LARGE1: variants seen among roughly 807,000 people sequenced by gnomAD.
The protein encoded by LARGE1 is LARGE xylosyl- and glucuronyltransferase 1, also known as xylosyl- and glucuronyltransferase LARGE1.
Under a neutral mutation model 87.6 loss-of-function variants are expected in LARGE1, and 43 were observed. That is an observed-to-expected ratio of 0.49 (90% CI 0.38 to 0.63). The LOEUF is 0.63. Among genes scored for constraint, LARGE1 ranks in the 30% least tolerant of loss-of-function variants. The pLI, the probability that LARGE1 is intolerant of heterozygous loss-of-function variation, is 0.00. For synonymous variants in LARGE1, 434 were observed against 394.6 expected (o/e 1.10, Z -1.18); for missense variants, 802 against 1,000.2 (o/e 0.80, Z 2.67).
intron 2 of LARGE1, among the ~76,000 whole-genome samples, chr22:33,723,537 C>A (rs1220531085): frequency 6.6e-6 from 1 of 152,150 alleles, no homozygotes; most frequent in Non-Finnish European, 1.5e-5. Context: ...CACACAGACA[C>A]ACACACTGAT....
intron 11 of LARGE1, among the ~76,000 whole-genome samples, chr22:33,189,956 G>A (rs1334656906): frequency 1.3e-5 from 2 of 152,152 alleles, no homozygotes; most frequent in Non-Finnish European, 2.9e-5. Context: ...TGTCCAAAGG[G>A]ACAAAGGGCA....
At chr22:33,140,174 T>A in the LARGE1 span, among the ~76,000 whole-genome samples, 11 of 152,136 alleles carry the variant, frequency 7.2e-5, no homozygotes, top group African/African-American at 2.4e-4. Context: ...GGAACATGGA[T>A]CTGGGAGGGG....
At chr22:33,227,171 C>A (rs912643830) in intron 11 of LARGE1, among the ~76,000 whole-genome samples, 2 of 152,106 alleles carry the variant, frequency 1.3e-5, no homozygotes, top group African/African-American at 4.8e-5. Context: ...TATTTTTATG[C>A]CCATTTGACA....
chr22:33,779,798 A>C (rs1601597701), intron 1 of LARGE1, among the ~76,000 whole-genome samples: 1 of 83,072 alleles, frequency 1.2e-5, no homozygotes, highest in Non-Finnish European at 3.4e-5. Flanking sequence ...AAAAAAATTA[A>C]AAAAAAATTA....
At chr22:33,214,598 A>C (rs1925115466) in intron 11 of LARGE1, among the ~76,000 whole-genome samples, 1 of 151,794 alleles carries the variant, frequency 6.6e-6, no homozygotes, top group African/African-American at 2.4e-5. Context: ...GCCCTTTACA[A>C]AGCTGTGGCC....
At chr22:33,306,878 A>G (rs1602337427) in intron 11 of LARGE1, among the ~76,000 whole-genome samples, 1 of 151,432 alleles carries the variant, frequency 6.6e-6, no homozygotes, top group Non-Finnish European at 1.5e-5. Flanking sequence ...AAAAAAAAAA[A>G]GAATAGAGAA....
intron 6 of LARGE1, among the ~76,000 whole-genome samples, chr22:33,553,459 T>C (rs867466111): frequency 2.5e-5 from 3 of 119,128 alleles, no homozygotes; most frequent in Non-Finnish European, 5.8e-5. Flanking sequence ...CAGGTGGCAA[T>C]GAGCTATGAT....
chr22:33,851,876 C>T (rs573535762), intron 1 of LARGE1, among the ~76,000 whole-genome samples: 1 of 152,320 alleles, frequency 6.6e-6, no homozygotes, highest in Admixed American at 6.5e-5. Flanking sequence ...GGTAAAGAAA[C>T]ATTCGTGTGA....
At chr22:33,697,639 T>A (rs1355499049) in intron 2 of LARGE1, among the ~76,000 whole-genome samples, 1 of 151,188 alleles carries the variant, frequency 6.6e-6, no homozygotes, top group Non-Finnish European at 1.5e-5. Context: ...ATGGTTATAG[T>A]CCCACAGCTA....
At chr22:33,193,410 C>T (rs1213794620) in intron 11 of LARGE1, among the ~76,000 whole-genome samples, 14 of 152,122 alleles carry the variant, frequency 9.2e-5, no homozygotes, top group Non-Finnish European at 2.1e-4. Context: ...CAGCAAATCA[C>T]ATATGAGTAG....
intron 2 of LARGE1, among the ~76,000 whole-genome samples, chr22:33,651,404 AAAAAAAG>A (rs1569343328): frequency 1.3e-5 from 2 of 149,870 alleles, no homozygotes; most frequent in Non-Finnish European, 3.0e-5. Context: ...AAAAAAAAAA[AAAAAAAG>A]AAAAAAGATA....
At chr22:33,490,116 AACTGG>A (rs774126367) in intron 6 of LARGE1, among the ~76,000 whole-genome samples, 91 of 152,366 alleles carry the variant, frequency 6.0e-4, no homozygotes, top group Non-Finnish European at 1.1e-3. Context: ...TTGCTCCCTC[AACTGG>A]ATCATTGTAA....
At chr22:33,138,540 T>A in the LARGE1 span, among the ~76,000 whole-genome samples, 1 of 151,654 alleles carries the variant, frequency 6.6e-6, no homozygotes, top group Non-Finnish European at 1.5e-5. Context: ...ACCTGCTAGG[T>A]TCAAGTGATC....
At chr22:33,707,103 C>T (rs1468085726) in intron 2 of LARGE1, among the ~76,000 whole-genome samples, 2 of 152,190 alleles carry the variant, frequency 1.3e-5, no homozygotes, top group African/African-American at 4.8e-5. Context: ...TCAGTAGATC[C>T]AGAACTGGCA....
At chr22:33,780,403 G>A (rs541830022) in intron 1 of LARGE1, among the ~76,000 whole-genome samples, 155 of 151,752 alleles carry the variant, frequency 1.0e-3, no homozygotes, top group South Asian at 4.0e-3. Context: ...TCAGTTCCAC[G>A]GGGTCAGTGA....
intron 3 of LARGE1, among the ~76,000 whole-genome samples, chr22:33,627,554 G>A (rs1285023382): frequency 2.6e-5 from 4 of 152,082 alleles, no homozygotes; most frequent in African/African-American, 4.8e-5. Flanking sequence ...CCCATGACAC[G>A]GGCTTCCAGA....
chr22:33,639,995 A>G (rs992369219), intron 3 of LARGE1, among the ~76,000 whole-genome samples: 1 of 152,218 alleles, frequency 6.6e-6, no homozygotes, highest in Admixed American at 6.5e-5. Context: ...ATATTGATAG[A>G]GGAGTTTTCA....
intron 2 of LARGE1, among the ~76,000 whole-genome samples, chr22:33,713,494 A>C (rs1204796592): frequency 2.6e-5 from 4 of 152,298 alleles, no homozygotes; most frequent in African/African-American, 9.6e-5. Context: ...TTTGAAACAC[A>C]CAAGCCAGCA....
At chr22:33,458,779 G>C (rs972289820) in intron 6 of LARGE1, among the ~76,000 whole-genome samples, 21 of 152,110 alleles carry the variant, frequency 1.4e-4, no homozygotes, top group Non-Finnish European at 8.8e-5. Context: ...GTTGGCTCAA[G>C]CTATGGATAC....
Sources: gnomAD v4.1 joint callset for allele counts (sites outside exome capture counted in the v4.1 genomes callset) on GRCh38, gnomAD v4.1.1 for gene constraint, MANE v1.5 for transcripts, NCBI Gene and HGNC (gene_info 2026-07-23, HGNC 2026-07-21) for gene names.